ADSL: variants seen among roughly 807,000 people sequenced by gnomAD.
ADSL encodes adenylosuccinase.
ADSL carries 44 observed loss-of-function variants against 62.1 expected under a neutral mutation model. The observed-to-expected ratio is 0.71, with a 90% confidence interval of 0.56 to 0.91. The LOEUF is 0.91. ADSL is among the 40% of genes least tolerant of loss of function. The pLI, the probability that ADSL is intolerant of heterozygous loss-of-function variation, is 0.00. For synonymous variants in ADSL, 198 were observed against 220.5 expected (o/e 0.90, Z 0.90); for missense variants, 531 against 627.4 (o/e 0.85, Z 1.64).
At position 40,358,855 on chromosome 22, in the gene ADSL, G is replaced by A; in HGVS notation, c.483-9G>A. ...CTGAGACTTTCGTGTGTTCTCTTTGGGTTTTCAGGCCTGCACAGCTGACCA... is the reference window on the plus strand; with the variant it reads ...CTGAGACTTTCGTGTGTTCTCTTTGAGTTTTCAGGCCTGCACAGCTGACCA... On this transcript the variant is annotated splice_polypyrimidine_tract_variant and intron_variant, in intron 4 of 12. Transcript: ENST00000623063. The A allele has an allele frequency of 6.2e-7, 1 of 1,614,076 alleles. No individual in the cohort carries two copies. The highest frequency in any genetic ancestry group is 1.1e-5 in the South Asian group (1 of 91,066).
chr22:40,359,087 A>T (rs2044671891), intron 5 of ADSL, 52 bp downstream of exon 5: 1 of 1,606,960 alleles, frequency 6.2e-7, no homozygotes, highest in Non-Finnish European at 8.5e-7. Context: ...GGAGCCTAAG[A>T]GACAAGGCTG....
At chr22:40,379,731 C>T (rs2047247283) in intron 2 of ADSL, among the ~76,000 whole-genome samples, 1 of 152,140 alleles carries the variant, frequency 6.6e-6, no homozygotes, top group Non-Finnish European at 1.5e-5. Flanking sequence ...ATTATTAAGG[C>T]AGGGTCTCAC....
chr22:40,382,966 A>G (rs1194271358), intron 2 of ADSL, among the ~76,000 whole-genome samples: 1 of 152,254 alleles, frequency 6.6e-6, no homozygotes, highest in Non-Finnish European at 1.5e-5. Flanking sequence ...AGGTGAAGGT[A>G]GATTTCTTCA....
In ADSL at chr22:40,349,828, G is replaced by C. The variant is rs1427417891; in HGVS notation, c.154-4G>C. ...TATTTTATTTTATTTTGCCTATTCT[G>C]CAGACATTGGGTTTGCCTATCACAG... On this transcript the variant is annotated splice_polypyrimidine_tract_variant and splice_region_variant and intron_variant, in intron 1 of 12. Transcript: ENST00000623063. The C allele has an allele frequency of 6.2e-7, 1 of 1,613,114 alleles. No homozygotes were observed. Among genetic ancestry groups the C allele is most frequent in the Non-Finnish European group, 8.5e-7 (1 of 1,179,342 alleles).
chr22:40,354,645 C>T (rs986743047), intron 4 of ADSL, among the ~76,000 whole-genome samples: 6 of 152,028 alleles, frequency 3.9e-5, no homozygotes, highest in African/African-American at 1.5e-4. Context: ...TCAAGGTGGG[C>T]AGATCCCTTG....
At chr22:40,382,938 C>T (rs1386501603) in intron 2 of ADSL, among the ~76,000 whole-genome samples, 2 of 152,202 alleles carry the variant, frequency 1.3e-5, no homozygotes, top group Non-Finnish European at 2.9e-5. Context: ...TTCTTGCTTC[C>T]ACAGTAACAC....
Position 40,367,764 on chromosome 22 carries a change from C to G in ADSL, c.*1242C>G, listed in dbSNP as rs1474953524. ...TATCAGATTTGCAGATGACACAAAA[C>G]TGGGAGAATTAACAAGTATGTTTAT... On this transcript the variant is annotated 3_prime_UTR_variant, in exon 13 of 13. Transcript: ENST00000623063. The G allele has an allele frequency of 1.3e-5, 2 of 156,844 alleles. No individual in the cohort carries two copies. The highest frequency in any genetic ancestry group is 2.9e-5 in the Non-Finnish European group (2 of 68,062). The allele number at this position is 156,844 out of a possible 1,614,324, so 9.7% of individuals were successfully genotyped here. A position where few individuals can be genotyped will look rare whatever the true frequency, so the allele number is the denominator to read the frequency against.
chr22:40,386,562 C>CTTTTTT lies in ADSL; in HGVS notation c.90-3646_90-3641dup, dbSNP rs60319316. Among the ~76,000 whole-genome samples, 14 of 68,364 alleles carry CTTTTTT rather than the reference C, an allele frequency of 2.0e-4. 2 individuals carry two copies. The highest frequency in any genetic ancestry group is 6.3e-4 in the Admixed American group (3 of 4,780). 44.8% of individuals were successfully genotyped at this position (68,364 alleles called of 152,430 possible). ...TTTGACCTCTAGTCCAATTTTCTTA[C>CTTTTTT]TTTTTTTTTTTTTTTTTTTTTTTTT... On this transcript the variant is annotated intron_variant, in intron 2 of 2. Transcript: ENST00000498234.
chr22:40,356,947 G>GT, intron 4 of ADSL, among the ~76,000 whole-genome samples: 1 of 152,310 alleles, frequency 6.6e-6, no homozygotes, highest in East Asian at 1.9e-4. Flanking sequence ...CTAGATTGGG[G>GT]TACAGTGGTG....
At chr22:40,372,122 C>T (rs190605877), downstream of ADSL, among the ~76,000 whole-genome samples, 24 of 65,210 alleles carry the variant, frequency 3.7e-4, no homozygotes, top group East Asian at 9.6e-4. Context: ...TCCCCCCCCC[C>T]TTTTTTTTTT....
chr22:40,370,600 G>A (rs1411039964), downstream of ADSL: 1 of 152,484 alleles, frequency 6.6e-6, no homozygotes, highest in Non-Finnish European at 1.5e-5. Context: ...CGCCACGCGT[G>A]CGCTTAGGCG....
chr22:40,353,469 G>A, intron 3 of ADSL: 1 of 696,686 alleles, frequency 1.4e-6, no homozygotes, highest in Non-Finnish European at 2.6e-6. Flanking sequence ...ATTTTCTGTA[G>A]AAATGGTTTT....
chr22:40,383,185 C>T (rs1032548457), intron 2 of ADSL, among the ~76,000 whole-genome samples: 12 of 152,052 alleles, frequency 7.9e-5, no homozygotes, highest in African/African-American at 2.4e-4. Flanking sequence ...TCAGTAGGAA[C>T]GGCCGGGTGC....
chr22:40,379,116 C>A (rs1320165651), intron 2 of ADSL, among the ~76,000 whole-genome samples: 3 of 152,200 alleles, frequency 2.0e-5, no homozygotes, highest in African/African-American at 7.2e-5. Context: ...ACAGTGTGGT[C>A]TCTTATTAAT....
At chr22:40,360,028 T>C (rs1474997341) in intron 6 of ADSL, among the ~76,000 whole-genome samples, 1 of 152,208 alleles carries the variant, frequency 6.6e-6, no homozygotes, top group Non-Finnish European at 1.5e-5. Context: ...TCTATTGGGC[T>C]GTGGCCAGAC....
chr22:40,361,146 T>C (rs2044767311), intron 7 of ADSL, 127 bp from the exon 8 acceptor site: 1 of 868,328 alleles, frequency 1.2e-6, no homozygotes, highest in Non-Finnish European at 2.0e-6. Context: ...TTTGGGAGGA[T>C]GCGCTGGTCT....
intron 4 of ADSL, among the ~76,000 whole-genome samples, chr22:40,354,756 C>T (rs1488009988): frequency 1.3e-5 from 2 of 151,902 alleles, no homozygotes; most frequent in East Asian, 3.9e-4. Flanking sequence ...GTAATCCCAG[C>T]TACTCAGGAG....
intron 5 of ADSL, 92 bp from the exon 6 acceptor site, chr22:40,359,168 G>A (rs1256426033): frequency 1.8e-5 from 29 of 1,580,440 alleles, no homozygotes; most frequent in South Asian, 3.3e-5. Context: ...AGTTGTGGGG[G>A]TTAGGGAGCG....
chr22:40,361,672 G>A, intron 9 of ADSL, 37 bp downstream of exon 9: 1 of 1,607,874 alleles, frequency 6.2e-7, no homozygotes, highest in Non-Finnish European at 8.5e-7. Context: ...ACCAAGTTGA[G>A]TGGAGGTCTG....
Sources: gnomAD v4.1 joint callset for allele counts (sites outside exome capture counted in the v4.1 genomes callset) on GRCh38, gnomAD v4.1.1 for gene constraint, MANE v1.5 for transcripts, NCBI Gene and HGNC (gene_info 2026-07-23, HGNC 2026-07-21) for gene names.